The following LDLRAD4 variants were observed in gnomAD, a reference collection of about 807,000 sequenced individuals.
LDLRAD4 encodes the protein low density lipoprotein receptor class A domain containing 4, also known as low-density lipoprotein receptor class A domain-containing protein 4.
Under a neutral mutation model 17.0 loss-of-function variants are expected in LDLRAD4, and 5 were observed. That is an observed-to-expected ratio of 0.29 (90% CI 0.15 to 0.62). The LOEUF (loss-of-function observed/expected upper bound fraction) is 0.62, where lower values mean the gene tolerates loss of function less well. Among genes scored for constraint, LDLRAD4 ranks in the 20% least tolerant of loss-of-function variants. The pLI, the probability that LDLRAD4 is intolerant of heterozygous loss-of-function variation, is 0.84. For missense variants in LDLRAD4, 340 were observed against 424.7 expected, an observed-to-expected ratio of 0.80 and a Z score of 1.75; for synonymous variants, 168 against 171.8, an observed-to-expected ratio of 0.98 and a Z score of 0.17.
intron 1 of LDLRAD4, among the ~76,000 whole-genome samples, chr18:13,304,856 C>A (rs2046817731): frequency 6.6e-6 from 1 of 152,170 alleles, no homozygotes; most frequent in Non-Finnish European, 1.5e-5. Flanking sequence ...GAAGATGACA[C>A]AGCAGACGGA....
intron 3 of LDLRAD4, among the ~76,000 whole-genome samples, chr18:13,602,295 A>AC (rs936241425): frequency 8.5e-5 from 13 of 152,066 alleles, no homozygotes; most frequent in African/African-American, 3.1e-4. Context: ...CTGCACATGT[A>AC]CCCCCGAACC....
chr18:13,246,193 T>C (rs1011795335), intron 1 of LDLRAD4, among the ~76,000 whole-genome samples: 7 of 152,258 alleles, frequency 4.6e-5, no homozygotes, highest in Non-Finnish European at 1.0e-4. Flanking sequence ...AAGCATTCAC[T>C]GAAGAGCTAA....
intron 3 of LDLRAD4, among the ~76,000 whole-genome samples, chr18:13,603,893 C>G (rs958811507): frequency 6.6e-6 from 1 of 152,230 alleles, no homozygotes; most frequent in Admixed American, 6.5e-5. Flanking sequence ...TGGTGGCCGG[C>G]ACATAGTAAG....
In LDLRAD4 at chr18:13,300,823, A is replaced by T. The variant is rs1182845469; in HGVS notation, c.-383+22635A>T. On this transcript the variant is annotated intron_variant, in intron 1 of 5. Transcript: ENST00000359446. This position sits in a 1 kb window ranked among gnomAD's most constrained non-coding sequence, Gnocchi z 4.2. ...GTCTTGCATTTCTGAGGCTGAACAGACACCTCTCATGATCAGAGATGGGGT... is the reference window on the plus strand; with the variant it reads ...GTCTTGCATTTCTGAGGCTGAACAGTCACCTCTCATGATCAGAGATGGGGT... Among the ~76,000 whole-genome samples the T allele has an allele frequency of 6.6e-6, 1 of 152,120 alleles. No individual in the cohort carries two copies. The highest frequency in any genetic ancestry group is 1.5e-5 in the Non-Finnish European group (1 of 68,016).
intron 3 of LDLRAD4, among the ~76,000 whole-genome samples, chr18:13,599,958 A>T (rs1269907660): frequency 1.3e-5 from 2 of 152,206 alleles, no homozygotes; most frequent in African/African-American, 4.8e-5. Flanking sequence ...AAATAACATT[A>T]AAGATTGTTT....
chr18:13,267,844 T>C (rs1427091273), intron 1 of LDLRAD4, among the ~76,000 whole-genome samples: 2 of 152,238 alleles, frequency 1.3e-5, no homozygotes, highest in Non-Finnish European at 2.9e-5. Flanking sequence ...CTGTCCTTCC[T>C]GAGCTTTGAC....
chr18:13,314,491 G>A (rs1230968700), intron 1 of LDLRAD4, among the ~76,000 whole-genome samples: 4 of 152,248 alleles, frequency 2.6e-5, no homozygotes, highest in African/African-American at 9.6e-5. Flanking sequence ...TTCCCACGCA[G>A]TGATCTTGAA....
chr18:13,350,192 T>C (rs1324033955), intron 1 of LDLRAD4, among the ~76,000 whole-genome samples: 1 of 152,190 alleles, frequency 6.6e-6, no homozygotes, highest in East Asian at 1.9e-4. Context: ...TCTAGATCCT[T>C]GAGGAATCGC....
chr18:13,402,745 C>G (rs1202714233), intron 2 of LDLRAD4, among the ~76,000 whole-genome samples: 1 of 152,118 alleles, frequency 6.6e-6, no homozygotes, highest in Non-Finnish European at 1.5e-5. Flanking sequence ...ATTCAAATTC[C>G]AAATTGCGAA....
chr18:13,627,653 T>G (rs2041294134), intron 4 of LDLRAD4, among the ~76,000 whole-genome samples: 1 of 152,214 alleles, frequency 6.6e-6, no homozygotes, highest in Admixed American at 6.5e-5. Flanking sequence ...GGGTCAACAG[T>G]GCTGTGCGTG....
intron 1 of LDLRAD4, among the ~76,000 whole-genome samples, chr18:13,265,486 T>C (rs2044166073): frequency 6.6e-6 from 1 of 152,210 alleles, no homozygotes; most frequent in South Asian, 2.1e-4. Flanking sequence ...GCTGCCCAGG[T>C]GAGCCCTTTT....
At chr18:13,475,980 G>C (rs1600659150) in intron 3 of LDLRAD4, among the ~76,000 whole-genome samples, 1 of 152,130 alleles carries the variant, frequency 6.6e-6, no homozygotes, top group African/African-American at 2.4e-5. Flanking sequence ...ATTGGAACAG[G>C]GTGTTTGTCA....
At chr18:13,450,432 G>A (rs2091758466) in intron 3 of LDLRAD4, among the ~76,000 whole-genome samples, 1 of 152,026 alleles carries the variant, frequency 6.6e-6, no homozygotes, top group Non-Finnish European at 1.5e-5. Flanking sequence ...GGGGGCTGGA[G>A]GGTGTTATAG....
chr18:13,388,740 T>A lies in LDLRAD4; in HGVS notation c.40+978T>A, dbSNP rs1012369944. Among the ~76,000 whole-genome samples, 20 of 152,326 alleles carry A rather than the reference T, an allele frequency of 1.3e-4. No individual in the cohort carries two copies. In the East Asian group the frequency reaches 3.7e-3, roughly 28 times the overall value. The stretch of plus-strand genomic sequence containing the variant: ...GCCTTGCACTCCTCCGCAGTCGCCG[T>A]GGCTTCGGCGTGAAGAGATGGAGCG... On this transcript the variant is annotated intron_variant, in intron 2 of 5. Transcript: ENST00000359446.
At chr18:13,252,813 G>T (rs750229405) in intron 1 of LDLRAD4, among the ~76,000 whole-genome samples, 2 of 152,248 alleles carry the variant, frequency 1.3e-5, no homozygotes, top group East Asian at 1.9e-4. Context: ...CTGTTTCTGC[G>T]CAGGGATGTC....
At chr18:13,593,112 A>C (rs1197555089) in intron 3 of LDLRAD4, among the ~76,000 whole-genome samples, 1 of 152,200 alleles carries the variant, frequency 6.6e-6, no homozygotes, top group Non-Finnish European at 1.5e-5. Context: ...CATGCATTCG[A>C]GACCAGCCTG....
chr18:13,439,397 A>G (rs754911103), intron 3 of LDLRAD4, among the ~76,000 whole-genome samples: 4 of 152,212 alleles, frequency 2.6e-5, no homozygotes, highest in Non-Finnish European at 5.9e-5. Flanking sequence ...TAAGCCTGCT[A>G]TTTATGCTTG....
chr18:13,613,911 G>A (rs1269051188), intron 3 of LDLRAD4: 1 of 152,274 alleles, frequency 6.6e-6, no homozygotes, highest in Non-Finnish European at 1.5e-5. Flanking sequence ...TCATGCAAAT[G>A]TTGTACATAA....
intron 4 of LDLRAD4, among the ~76,000 whole-genome samples, chr18:13,638,002 A>G (rs1389320058): frequency 1.3e-5 from 2 of 152,108 alleles, no homozygotes; most frequent in African/African-American, 2.4e-5. Context: ...TTAAGGCACT[A>G]TGCTAAGGAA....
Sources: allele counts gnomAD v4.1 joint callset (sites outside exome capture counted in the v4.1 genomes callset), GRCh38; gene constraint gnomAD v4.1.1; non-coding constraint Gnocchi (gnomAD v3.1); transcripts MANE v1.5; gene names NCBI Gene and HGNC (gene_info 2026-07-23, HGNC 2026-07-21).